Variants in STXBP5L observed in about 807,000 individuals in gnomAD.
STXBP5L encodes the protein syntaxin binding protein 5L.
A neutral mutation model predicts 144.5 loss-of-function variants in STXBP5L; 65 were observed. The ratio of observed to expected loss-of-function variants is 0.45; its 90% CI spans 0.37 to 0.55. The LOEUF (loss-of-function observed/expected upper bound fraction) is 0.55. STXBP5L is among the 20% of genes least tolerant of loss of function. The probability of loss-of-function intolerance (pLI) is 0.00; values close to 1 mark genes in which losing one functional copy is unlikely to be tolerated. For missense variants in STXBP5L, 1,298 were observed against 1,405.5 expected (o/e 0.92, Z 1.22); for synonymous variants, 505 against 469.6 (o/e 1.08, Z -0.97).
chr3:121,087,226 A>G lies in STXBP5L; in HGVS notation c.471-27699A>G, dbSNP rs529833874. Among the ~76,000 whole-genome samples, 11 of 152,184 alleles carry G rather than the reference A, an allele frequency of 7.2e-5. No homozygotes were observed. In the East Asian group the frequency reaches 9.6e-4, roughly 13 times the overall value. ...TAGGGTTATGATTTTCTTGCATTCT[A>G]TATCCTTACTGATTTTCTCTTTAGT... On this transcript the variant is annotated intron_variant, in intron 5 of 26. Transcript: ENST00000471454.
At chr3:121,054,207 G>A (rs1948264620) in intron 5 of STXBP5L, among the ~76,000 whole-genome samples, 1 of 152,120 alleles carries the variant, frequency 6.6e-6, no homozygotes, top group Non-Finnish European at 1.5e-5. Flanking sequence ...TCTAGAACTA[G>A]AAATACCATT....
At chr3:121,416,191 CAA>C (rs2047228375) in intron 25 of STXBP5L, among the ~76,000 whole-genome samples, 1 of 151,780 alleles carries the variant, frequency 6.6e-6, no homozygotes, top group Admixed American at 6.6e-5. Flanking sequence ...AATTGTTTAA[CAA>C]AAGTGATACA....
intron 3 of STXBP5L, among the ~76,000 whole-genome samples, chr3:121,035,033 G>A (rs911045186): frequency 2.6e-5 from 4 of 152,092 alleles, no homozygotes; most frequent in Non-Finnish European, 5.9e-5. Context: ...AAAAATGCCT[G>A]TTCATGTCCT....
At chr3:121,395,140 C>T (rs565162832) in intron 22 of STXBP5L, among the ~76,000 whole-genome samples, 1 of 152,186 alleles carries the variant, frequency 6.6e-6, no homozygotes, top group Non-Finnish European at 1.5e-5. Flanking sequence ...GTAAGTAACC[C>T]TTTAGATGTG....
intron 3 of STXBP5L, among the ~76,000 whole-genome samples, chr3:120,977,671 A>C (rs931120893): frequency 6.6e-6 from 1 of 152,104 alleles, no homozygotes; most frequent in Non-Finnish European, 1.5e-5. Context: ...ATGATTTTGC[A>C]GTGGCTGGTA....
intron 5 of STXBP5L, among the ~76,000 whole-genome samples, chr3:121,068,887 A>T (rs2041673222): frequency 6.6e-6 from 1 of 151,684 alleles, no homozygotes; most frequent in African/African-American, 2.4e-5. Flanking sequence ...TTATTATTTC[A>T]CTTTTTAAAA....
intron 3 of STXBP5L, among the ~76,000 whole-genome samples, chr3:121,012,246 G>T (rs1944828215): frequency 6.6e-6 from 1 of 151,612 alleles, no homozygotes; most frequent in Admixed American, 6.6e-5. Flanking sequence ...TCTACTTCTT[G>T]GTTATTATAA....
At chr3:121,028,001 T>G (rs966236417) in intron 3 of STXBP5L, among the ~76,000 whole-genome samples, 1 of 152,112 alleles carries the variant, frequency 6.6e-6, no homozygotes, top group Non-Finnish European at 1.5e-5. Flanking sequence ...TTTGGTGATA[T>G]GCAATAGGGC....
intron 5 of STXBP5L, among the ~76,000 whole-genome samples, chr3:121,058,845 T>G (rs538059232): frequency 1.3e-5 from 2 of 152,350 alleles, no homozygotes; most frequent in South Asian, 2.1e-4. Flanking sequence ...TAAATTTGTT[T>G]AAGTTCTTTG....
At chr3:121,081,691 G>C (rs926539107) in intron 5 of STXBP5L, among the ~76,000 whole-genome samples, 2 of 152,262 alleles carry the variant, frequency 1.3e-5, no homozygotes, top group African/African-American at 4.8e-5. Context: ...GCCAATAGGG[G>C]TGGTATTCCT....
intron 9 of STXBP5L, among the ~76,000 whole-genome samples, chr3:121,190,968 C>T (rs373237586): frequency 2.6e-5 from 4 of 151,884 alleles, no homozygotes; most frequent in African/African-American, 9.7e-5. Flanking sequence ...GTGCTCCCCA[C>T]ATCCCAGACG....
At chr3:121,206,550 C>T (rs2048342029) in intron 10 of STXBP5L, among the ~76,000 whole-genome samples, 1 of 152,180 alleles carries the variant, frequency 6.6e-6, no homozygotes, top group Non-Finnish European at 1.5e-5. Context: ...TGCCTCACGC[C>T]TGTAACCCCA....
Position 121,007,665 on chromosome 3 carries a change from G to C in STXBP5L, c.288-34035G>C, listed in dbSNP as rs181887494. 6.6e-5 allele frequency among the ~76,000 whole-genome samples: 10 copies of C among 152,104 alleles called. No homozygotes were observed. The East Asian group carries it at 1.9e-3, about 29-fold the overall frequency. ...GATGAGGGTGGGATATTATTCACTAGTACTTCTGATCTGTTGTTTACATAG... is the reference window on the plus strand; with the variant it reads ...GATGAGGGTGGGATATTATTCACTACTACTTCTGATCTGTTGTTTACATAG... On this transcript the variant is annotated intron_variant, in intron 3 of 26. Transcript: ENST00000471454.
At chr3:121,416,497 T>G (rs1020556421) in intron 25 of STXBP5L, among the ~76,000 whole-genome samples, 3 of 94,626 alleles carry the variant, frequency 3.2e-5, no homozygotes, top group Non-Finnish European at 7.4e-5. Context: ...ATTTATTTAT[T>G]TATTTATTTA....
At chr3:121,314,366 C>T (rs1390312549) in intron 19 of STXBP5L, among the ~76,000 whole-genome samples, 42 of 135,358 alleles carry the variant, frequency 3.1e-4, no homozygotes, top group African/African-American at 7.0e-4. Context: ...CCGAGGCTGG[C>T]GGATCACTCG....
chr3:121,033,343 T>C (rs1946509289), intron 3 of STXBP5L, among the ~76,000 whole-genome samples: 1 of 111,326 alleles, frequency 9.0e-6, no homozygotes, highest in Admixed American at 9.9e-5. Flanking sequence ...ACACCGCATA[T>C]TCTCACTCAT....
intron 17 of STXBP5L, among the ~76,000 whole-genome samples, chr3:121,257,788 G>C (rs1559912396): frequency 6.6e-6 from 1 of 152,166 alleles, no homozygotes; most frequent in East Asian, 1.9e-4. Flanking sequence ...AACTGGGTGT[G>C]ATGGTACACA....
At chr3:120,964,045 C>T (rs1430912265) in intron 3 of STXBP5L, among the ~76,000 whole-genome samples, 1 of 152,110 alleles carries the variant, frequency 6.6e-6, no homozygotes, top group Non-Finnish European at 1.5e-5. Context: ...TCTAGATTTT[C>T]TAGTTTATTT....
At chr3:121,144,400 T>C (rs971376305) in intron 7 of STXBP5L, among the ~76,000 whole-genome samples, 1 of 151,782 alleles carries the variant, frequency 6.6e-6, no homozygotes, top group Non-Finnish European at 1.5e-5. Flanking sequence ...TACTAATCAT[T>C]AGAGAAACGC....
Sources: gnomAD v4.1 joint callset for allele counts (sites outside exome capture counted in the v4.1 genomes callset) on GRCh38, gnomAD v4.1.1 for gene constraint, MANE v1.5 for transcripts, NCBI Gene and HGNC (gene_info 2026-07-23, HGNC 2026-07-21) for gene names.